Variants in DYSF observed in about 807,000 individuals in gnomAD.
DYSF encodes the protein dysferlin.
A neutral mutation model predicts 274.9 loss-of-function variants in DYSF; 212 were observed. The observed-to-expected ratio is 0.77, with a 90% CI of 0.69 to 0.86. The LOEUF (loss-of-function observed/expected upper bound fraction) is 0.86, where lower values mean the gene tolerates loss of function less well. Among genes scored for constraint, DYSF ranks in the 40% least tolerant of loss-of-function variants. The probability of loss-of-function intolerance (pLI) is 0.00; values close to 1 mark genes in which losing one functional copy is unlikely to be tolerated. For missense variants in DYSF, 2,666 were observed against 2,783.2 expected (o/e 0.96, Z 0.95); for synonymous variants, 1,091 against 1,078.7 (o/e 1.01, Z -0.22).
intron 32 of DYSF, among the ~76,000 whole-genome samples, chr2:71,596,200 C>T (rs1204470927): frequency 5.3e-5 from 8 of 152,076 alleles, no homozygotes; most frequent in East Asian, 1.9e-4. Flanking sequence ...ACCCCCTCCC[C>T]GTTCTCCCCC....
At chr2:71,651,577 A>G (rs1286258115) in intron 42 of DYSF, among the ~76,000 whole-genome samples, 1 of 152,150 alleles carries the variant, frequency 6.6e-6, no homozygotes, top group African/African-American at 2.4e-5. Context: ...GAATTTCCTA[A>G]ATTTTCAAAG....
Position 71,556,038 on chromosome 2 carries a change from C to A in DYSF, c.2183C>A (p.Ala728Asp). 3.2e-6 allele frequency: 5 copies of A among 1,578,180 alleles called. No homozygotes were observed. The highest frequency in any genetic ancestry group is 4.3e-6 in the Non-Finnish European group (5 of 1,162,782). The change falls in exon 22 of 56, where the codon GCT (alanine) becomes GAT (aspartate). Residue 728 changes from alanine to aspartate, a missense_variant. Around this residue, in one of 3 missense-constraint regions of DYSF, gnomAD observed 412 missense variants for 504.0 expected, o/e 0.82. Coordinates refer to ENST00000410020, the MANE Select transcript of DYSF (RefSeq NM_001130987.2). ...CSTEDVDSLVAQLTDELIAGC... is the reference protein window; with the variant it reads ...CSTEDVDSLVDQLTDELIAGC... ...ACGGAGGACGTGGACTCGCTGGTGG[C>A]TCAGCTGACGGATGAGCTCATCGCA...
In DYSF at chr2:71,484,658, C is replaced by G. The variant is rs148393169; in HGVS notation, c.239+2688C>G. Among the ~76,000 whole-genome samples the G allele has an allele frequency of 8.3e-4, 127 of 152,322 alleles. 2 individuals carry two copies. In the East Asian group the frequency reaches 0.014, roughly 17 times the overall value. ...GTATCCATTGACCACCTTGCTTTAT[C>G]CACCTCTCCCTGCTACCCTTCCCTG... On this transcript the variant is annotated intron_variant, in intron 3 of 55. Coordinates refer to ENST00000410020, the MANE Select transcript of DYSF (RefSeq NM_001130987.2).
Position 71,553,121 on chromosome 2 carries a change from G to C in DYSF, c.1917G>C (p.Gly639=). 3.1e-6 allele frequency: 5 copies of C among 1,614,128 alleles called. No homozygotes were observed. The highest frequency in any genetic ancestry group is 4.2e-6 in the Non-Finnish European group (5 of 1,180,030). Reference sequence around the variant, plus strand: ...TTGAGGTCAGCATCGGGAACTACGGGAACAAGTTCGACATGACCTGCCTGC... The same window carrying C: ...TTGAGGTCAGCATCGGGAACTACGGCAACAAGTTCGACATGACCTGCCTGC... ...IQFEVSIGNY[G]NKFDMTCLPL... is the part of the protein sequence containing the mutation. The change falls in exon 20 of 56, where the codon GGG becomes GGC. Residue 639 remains glycine (G), a synonymous_variant. Transcript: ENST00000410020.
At chr2:71,481,021 G>A (rs573292858) in intron 2 of DYSF, 83 bp downstream of exon 2, 1 of 1,389,968 alleles carries the variant, frequency 7.2e-7, no homozygotes, top group East Asian at 2.3e-5. Flanking sequence ...TGTGGAGGAG[G>A]TGCCTTCTCA....
intron 47 of DYSF, 116 bp from the exon 48 acceptor site, chr2:71,667,260 G>A (rs1340461811): frequency 1.1e-5 from 16 of 1,465,900 alleles, no homozygotes; most frequent in African/African-American, 4.2e-5. Flanking sequence ...GTGAGGCTGC[G>A]GGGGTTAGAG....
intron 42 of DYSF, 103 bp downstream of exon 42, chr2:71,644,166 C>G (rs1165081550): frequency 9.7e-7 from 1 of 1,036,202 alleles, no homozygotes; most frequent in African/African-American, 1.6e-5. Flanking sequence ...TTGCATTTGT[C>G]TCCTCATTCG....
Position 71,516,919 on chromosome 2 carries a change from G to C in DYSF, c.952-70G>C, listed in dbSNP as rs111279933. ...TTGGCAGTTATTGTTTGGGAGGGAA[G>C]AGCTATTGGGTTGGCCGTGTGGGCC... On this transcript the variant is annotated intron_variant, in intron 9 of 55. Transcript: ENST00000410020. 2.2e-6 allele frequency: 3 copies of C among 1,365,666 alleles called. No individual in the cohort carries two copies. The African/African-American group carries it at 4.3e-5, about 20-fold the overall frequency. The allele number at this position is 1,365,666 out of a possible 1,614,324, so 84.6% of individuals were successfully genotyped here. A position where few individuals can be genotyped will look rare whatever the true frequency, so the allele number is the denominator to read the frequency against.
At chr2:71,454,295 C>T (rs1573207442) in intron 1 of DYSF, among the ~76,000 whole-genome samples, 1 of 152,238 alleles carries the variant, frequency 6.6e-6, no homozygotes, top group South Asian at 2.1e-4. Context: ...CTGAATGGCG[C>T]TTCTCCTGGA....
intron 2 of DYSF, among the ~76,000 whole-genome samples, chr2:71,481,354 C>T (rs2082876870): frequency 6.6e-6 from 1 of 152,262 alleles, no homozygotes; most frequent in Admixed American, 6.5e-5. Flanking sequence ...TCCCTGCATA[C>T]ATGGCTCCCG....
At chr2:71,629,986 G>C (rs1281236504) in intron 41 of DYSF, among the ~76,000 whole-genome samples, 1 of 152,088 alleles carries the variant, frequency 6.6e-6, no homozygotes, top group African/African-American at 2.4e-5. Flanking sequence ...GTTTTCTTCT[G>C]CTTTTTACTC....
At chr2:71,465,187 G>C (rs1366492443), upstream of DYSF, among the ~76,000 whole-genome samples, 1 of 152,212 alleles carries the variant, frequency 6.6e-6, no homozygotes, top group African/African-American at 2.4e-5. Context: ...TAAGGCAAGA[G>C]AGTGAGAGAA....
intron 1 of DYSF, among the ~76,000 whole-genome samples, chr2:71,457,512 C>A (rs1329448329): frequency 1.3e-5 from 2 of 152,162 alleles, no homozygotes; most frequent in Non-Finnish European, 2.9e-5. Flanking sequence ...GGACCTGAAC[C>A]CAGGCCTGGC....
At chr2:71,464,474 C>T (rs78130680), upstream of DYSF, among the ~76,000 whole-genome samples, 5,129 of 152,226 alleles carry the variant, frequency 0.034, 166 homozygotes, top group African/African-American at 0.082. Context: ...GTTGGTCTCA[C>T]TGGAGTTGAT....
chr2:71,500,229 G>T lies in DYSF; in HGVS notation c.240-2985G>T, dbSNP rs73940805. Among the ~76,000 whole-genome samples, 373 of 152,194 alleles carry T rather than the reference G, an allele frequency of 2.5e-3. 1 individual carries two copies. The highest frequency in any genetic ancestry group is 7.9e-3 in the African/African-American group (328 of 41,512). ...CTCAGACCCCTCTAGCCTCCCAGGG[G>T]TCCCTCTTCTGCGCCCCCCACCTCT... On this transcript the variant is annotated intron_variant, in intron 3 of 55. Transcript: ENST00000410020.
At chr2:71,634,275 C>G (rs1351770974) in intron 41 of DYSF, among the ~76,000 whole-genome samples, 1 of 152,212 alleles carries the variant, frequency 6.6e-6, no homozygotes, top group Admixed American at 6.5e-5. Context: ...TGTTCCAAAA[C>G]TGGATGCTTA....
intron 38 of DYSF, among the ~76,000 whole-genome samples, chr2:71,612,355 C>G (rs999473261): frequency 1.3e-5 from 2 of 152,292 alleles, no homozygotes; most frequent in Non-Finnish European, 2.9e-5. Context: ...CTCGCCCGCT[C>G]CCCAGCCAGT....
intron 40 of DYSF, among the ~76,000 whole-genome samples, chr2:71,614,240 C>T (rs2093833467): frequency 6.6e-6 from 1 of 152,210 alleles, no homozygotes; most frequent in Admixed American, 6.5e-5. Flanking sequence ...TGTCACCCTC[C>T]TCTCTGGGCT....
At chr2:71,536,184 T>C (rs1298958002) in intron 16 of DYSF, among the ~76,000 whole-genome samples, 1 of 152,186 alleles carries the variant, frequency 6.6e-6, no homozygotes, top group African/African-American at 2.4e-5. Flanking sequence ...GAGAGAGTTG[T>C]CCTTTCTTTG....
Sources: gnomAD v4.1 joint callset for allele counts (sites outside exome capture counted in the v4.1 genomes callset) on GRCh38, gnomAD v4.1.1 for gene constraint, gnomAD v4.1.1 regional missense constraint, MANE v1.5 for transcripts, NCBI Gene and HGNC (gene_info 2026-07-23, HGNC 2026-07-21) for gene names.